The following BCL2 variants were observed in gnomAD, a reference collection of about 807,000 sequenced individuals.
BCL2 encodes BCL2 apoptosis regulator, also known as apoptosis regulator Bcl-2.
In BCL2, 1 loss-of-function variant was observed where a neutral mutation model predicts 14.2. That is an observed-to-expected ratio of 0.07 (90% CI 0.02 to 0.33). The LOEUF (loss-of-function observed/expected upper bound fraction) is 0.33. Ranked by LOEUF, BCL2 falls within the 10% of genes least tolerant of loss-of-function variation. The pLI, the probability that BCL2 is intolerant of heterozygous loss-of-function variation, is 0.99. For missense variants in BCL2, 247 were observed against 305.9 expected (o/e 0.81, Z 1.44); for synonymous variants, 151 against 137.2 (o/e 1.10, Z -0.70).
chr18:63,249,834 GGT>G (rs1204444308), intron 2 of BCL2, among the ~76,000 whole-genome samples: 35 of 151,526 alleles, frequency 2.3e-4, no homozygotes, highest in Non-Finnish European at 4.1e-4. Context: ...TAAAAAAAAT[GGT>G]AGTTTCAGGC....
At chr18:63,302,554 A>T in intron 2 of BCL2, 2 of 985,292 alleles carry the variant, frequency 2.0e-6, no homozygotes, top group Non-Finnish European at 2.4e-6. Context: ...TTGAATTGAA[A>T]TTTTTTAATA....
chr18:63,253,497 C>T (rs371017710), intron 2 of BCL2, among the ~76,000 whole-genome samples: 3 of 152,164 alleles, frequency 2.0e-5, no homozygotes, highest in Non-Finnish European at 2.9e-5. Context: ...GCCCAATCAC[C>T]GCAGAGACTT....
At chr18:63,157,379 T>G (rs1437858854) in intron 2 of BCL2, among the ~76,000 whole-genome samples, 2 of 152,182 alleles carry the variant, frequency 1.3e-5, no homozygotes, top group African/African-American at 2.4e-5. Flanking sequence ...AAGGGGATCC[T>G]CAGAGGATGC....
At chr18:63,262,912 G>A (rs1322381055) in intron 2 of BCL2, among the ~76,000 whole-genome samples, 1 of 152,204 alleles carries the variant, frequency 6.6e-6, no homozygotes, top group African/African-American at 2.4e-5. Context: ...AGATTGTTGT[G>A]CCAGGGAACA....
intron 2 of BCL2, among the ~76,000 whole-genome samples, chr18:63,286,601 C>A (rs1164926584): frequency 2.0e-5 from 3 of 151,958 alleles, no homozygotes; most frequent in Non-Finnish European, 4.4e-5. Flanking sequence ...CAGCTGTACA[C>A]CAAACTCTGT....
At chr18:63,222,050 G>T (rs1411034406) in intron 2 of BCL2, among the ~76,000 whole-genome samples, 1 of 152,094 alleles carries the variant, frequency 6.6e-6, no homozygotes, top group African/African-American at 2.4e-5. Context: ...GGAGGCTGAG[G>T]CAGGCAGATC....
At chr18:63,254,075 A>G (rs1056887233) in intron 2 of BCL2, among the ~76,000 whole-genome samples, 9 of 152,164 alleles carry the variant, frequency 5.9e-5, no homozygotes, top group Non-Finnish European at 1.2e-4. Flanking sequence ...TTCAGAAGTC[A>G]CAACTTGTTT....
At chr18:63,134,718 A>C (rs1914165142) in intron 2 of BCL2, among the ~76,000 whole-genome samples, 1 of 152,194 alleles carries the variant, frequency 6.6e-6, no homozygotes, top group Non-Finnish European at 1.5e-5. Flanking sequence ...TAATGCCTCT[A>C]TGTGCACATT....
At chr18:63,308,528 G>A (rs1446827367) in intron 2 of BCL2, among the ~76,000 whole-genome samples, 5 of 152,262 alleles carry the variant, frequency 3.3e-5, no homozygotes, top group South Asian at 2.1e-4. Flanking sequence ...TACAACCTTC[G>A]TATAAACAGA....
chr18:63,153,281 C>T (rs1345246607), intron 2 of BCL2, among the ~76,000 whole-genome samples: 2 of 152,174 alleles, frequency 1.3e-5, no homozygotes, highest in Non-Finnish European at 1.5e-5. Flanking sequence ...CTGTAGTTGT[C>T]GAGTGGTCAG....
intron 2 of BCL2, among the ~76,000 whole-genome samples, chr18:63,217,980 A>G (rs767058382): frequency 6.6e-6 from 1 of 152,212 alleles, no homozygotes; most frequent in Non-Finnish European, 1.5e-5. Context: ...AAATAGAAGA[A>G]TGGAAAAAAG....
At chr18:63,226,650 A>C (rs2144169820) in intron 2 of BCL2, among the ~76,000 whole-genome samples, 1 of 152,264 alleles carries the variant, frequency 6.6e-6, no homozygotes, top group East Asian at 1.9e-4. Flanking sequence ...TTTTTTTTGC[A>C]AACAACAGTA....
At chr18:63,246,845 G>C (rs1911164469) in intron 2 of BCL2, among the ~76,000 whole-genome samples, 1 of 152,218 alleles carries the variant, frequency 6.6e-6, no homozygotes, top group South Asian at 2.1e-4. Context: ...CTGAAGAAAT[G>C]AATGAAACAT....
chr18:63,310,560 T>C (rs573853637), intron 2 of BCL2, among the ~76,000 whole-genome samples: 2 of 152,332 alleles, frequency 1.3e-5, no homozygotes, highest in Non-Finnish European at 2.9e-5. Context: ...CTCCTACTGA[T>C]TGGTAAGTTC....
chr18:63,215,208 G>C (rs894862536), intron 2 of BCL2, among the ~76,000 whole-genome samples: 1 of 152,186 alleles, frequency 6.6e-6, no homozygotes, highest in African/African-American at 2.4e-5. Context: ...CCCTTGGCAA[G>C]ATACAGAAAG....
In BCL2 at chr18:63,149,556, C is replaced by G. The variant is rs1914596977; in HGVS notation, c.586-20797G>C. On this transcript the variant is annotated intron_variant, in intron 2 of 2. Coordinates refer to ENST00000333681, the MANE Select transcript of BCL2 (RefSeq NM_000633.3). The surrounding 1 kb of genome is among the most constrained non-coding windows in gnomAD (Gnocchi z 4.2). ...AGATGTCATTCTGTTACCCTCAACC[C>G]ATGTGAGGGGAAGCTGGAACTATTC... Among the ~76,000 whole-genome samples the G allele has an allele frequency of 6.6e-6, 1 of 152,224 alleles. No individual in the cohort carries two copies. Among genetic ancestry groups the G allele is most frequent in the Non-Finnish European group, 1.5e-5 (1 of 68,042 alleles).
intron 2 of BCL2, among the ~76,000 whole-genome samples, chr18:63,241,305 T>C (rs765937814): frequency 6.6e-6 from 1 of 152,250 alleles, no homozygotes; most frequent in Non-Finnish European, 1.5e-5. Context: ...TTTGGAACTC[T>C]ATAGCAATAA....
At chr18:63,198,390 C>A (rs1474522720) in intron 2 of BCL2, among the ~76,000 whole-genome samples, 78 of 48,848 alleles carry the variant, frequency 1.6e-3, no homozygotes, top group South Asian at 2.8e-3. Context: ...ACACAGACAC[C>A]CATTGACACA....
chr18:63,202,636 T>C (rs758704823), intron 2 of BCL2, among the ~76,000 whole-genome samples: 2 of 152,246 alleles, frequency 1.3e-5, no homozygotes, highest in East Asian at 1.9e-4. Context: ...GTATTATTGC[T>C]TGGCTGTATT....
Sources: gnomAD v4.1 joint callset for allele counts (sites outside exome capture counted in the v4.1 genomes callset) on GRCh38, gnomAD v4.1.1 for gene constraint, Gnocchi (gnomAD v3.1) non-coding constraint, MANE v1.5 for transcripts, NCBI Gene and HGNC (gene_info 2026-07-23, HGNC 2026-07-21) for gene names.